The following EMCN variants were observed in gnomAD, a reference collection of about 807,000 sequenced individuals.
The protein encoded by EMCN is endomucin.
EMCN carries 37 observed loss-of-function variants against 38.4 expected under a neutral mutation model. The ratio of observed to expected loss-of-function variants is 0.96; its 90% CI spans 0.74 to 1.27. The LOEUF is 1.27. Among genes scored for constraint, EMCN ranks in the 50% most tolerant of loss-of-function variants. The pLI is 0.00. For synonymous variants in EMCN, 95 were observed against 100.8 expected, an observed-to-expected ratio of 0.94 and a Z score of 0.35; for missense variants, 318 against 302.8, an observed-to-expected ratio of 1.05 and a Z score of -0.37.
chr4:100,456,281 T>G (rs1014705161), intron 4 of EMCN, among the ~76,000 whole-genome samples: 9 of 152,176 alleles, frequency 5.9e-5, no homozygotes, highest in Admixed American at 3.9e-4. Flanking sequence ...AAAATATTAG[T>G]TTTTGTTGAT....
chr4:100,427,697 A>C (rs1055591888), intron 5 of EMCN, among the ~76,000 whole-genome samples: 5 of 152,112 alleles, frequency 3.3e-5, no homozygotes, highest in Admixed American at 2.6e-4. Flanking sequence ...TTCAAGGTTT[A>C]AATGCACCAA....
chr4:100,452,755 T>C (rs1326839906), intron 4 of EMCN, among the ~76,000 whole-genome samples: 1 of 152,082 alleles, frequency 6.6e-6, no homozygotes, highest in East Asian at 1.9e-4. Flanking sequence ...ACAGGTAGCA[T>C]CACACTACCT....
chr4:100,498,491 C>CTT (rs768052759), intron 1 of EMCN, among the ~76,000 whole-genome samples: 1 of 145,244 alleles, frequency 6.9e-6, no homozygotes. Context: ...CAGTGTATCA[C>CTT]TTTTTTTTTT....
intron 5 of EMCN, among the ~76,000 whole-genome samples, chr4:100,444,183 C>T (rs1054147309): frequency 6.6e-6 from 1 of 152,180 alleles, no homozygotes; most frequent in African/African-American, 2.4e-5. Context: ...TGTGGCTGTT[C>T]AGCCTGGAGG....
At chr4:100,472,967 T>C (rs983581283) in intron 3 of EMCN, among the ~76,000 whole-genome samples, 4 of 148,162 alleles carry the variant, frequency 2.7e-5, no homozygotes, top group Admixed American at 6.8e-5. Context: ...CTTCTATATA[T>C]ATATTCTAGA....
At chr4:100,498,952 T>C (rs1309323394) in intron 1 of EMCN, among the ~76,000 whole-genome samples, 1 of 152,218 alleles carries the variant, frequency 6.6e-6, no homozygotes, top group African/African-American at 2.4e-5. Context: ...TGCAGGTATG[T>C]TCTTAGAGCT....
At chr4:100,517,446 A>G (rs1250848235) in intron 1 of EMCN, among the ~76,000 whole-genome samples, 7 of 152,124 alleles carry the variant, frequency 4.6e-5, no homozygotes, top group Admixed American at 4.6e-4. Flanking sequence ...TAACATCTGC[A>G]ATATAATGTC....
At chr4:100,437,778 C>T (rs1179489541) in intron 5 of EMCN, among the ~76,000 whole-genome samples, 1 of 152,018 alleles carries the variant, frequency 6.6e-6, no homozygotes, top group African/African-American at 2.4e-5. Context: ...TGTTTTTATG[C>T]CAGCACCATA....
chr4:100,513,523 T>C (rs1030560049), intron 1 of EMCN, among the ~76,000 whole-genome samples: 4 of 152,160 alleles, frequency 2.6e-5, no homozygotes, highest in Non-Finnish European at 5.9e-5. Context: ...CTTTTAACTA[T>C]AGGAATGTAT....
intron 3 of EMCN, among the ~76,000 whole-genome samples, chr4:100,473,487 T>C (rs1215936942): frequency 1.3e-5 from 2 of 150,422 alleles, no homozygotes; most frequent in Non-Finnish European, 3.0e-5. Flanking sequence ...CTTATTTGAG[T>C]TCAAAATGGG....
At chr4:100,402,270 A>G (rs1032560319) in intron 11 of EMCN, among the ~76,000 whole-genome samples, 3 of 152,180 alleles carry the variant, frequency 2.0e-5, no homozygotes, top group Non-Finnish European at 4.4e-5. Flanking sequence ...TGATCAATAT[A>G]TGAAGCAACA....
intron 11 of EMCN, among the ~76,000 whole-genome samples, chr4:100,403,542 T>A (rs1346269908): frequency 6.6e-6 from 1 of 152,008 alleles, no homozygotes. Context: ...AACATACATG[T>A]CATGTGATTT....
intron 4 of EMCN, among the ~76,000 whole-genome samples, chr4:100,457,064 C>T (rs190112400): frequency 1.1e-3 from 170 of 151,770 alleles, no homozygotes; most frequent in African/African-American, 3.9e-3. Context: ...CTATTTATTT[C>T]GATTTAGTTT....
chr4:100,484,948 T>A (rs1483883074), intron 1 of EMCN, among the ~76,000 whole-genome samples: 1 of 152,142 alleles, frequency 6.6e-6, no homozygotes, highest in African/African-American at 2.4e-5. Flanking sequence ...ACTACTTGGG[T>A]ATATGGAATG....
chr4:100,415,863 T>G (rs773728903), intron 10 of EMCN, 35 bp downstream of exon 10: 11 of 1,435,308 alleles, frequency 7.7e-6, no homozygotes, highest in Admixed American at 2.1e-5. Context: ...CTAAAATAAC[T>G]AATTTTCATC....
chr4:100,496,086 C>G (rs1184118468), intron 1 of EMCN, among the ~76,000 whole-genome samples: 1 of 152,020 alleles, frequency 6.6e-6, no homozygotes, highest in African/African-American at 2.4e-5. Context: ...TCTTTTGTGA[C>G]CTCAGTAGTG....
At chr4:100,440,433 C>A (rs752014837) in intron 5 of EMCN, among the ~76,000 whole-genome samples, 2 of 152,066 alleles carry the variant, frequency 1.3e-5, no homozygotes, top group African/African-American at 2.4e-5. Context: ...TTATATCATT[C>A]TGTATGCCTT....
chr4:100,424,333 G>T (rs986880277), intron 5 of EMCN, among the ~76,000 whole-genome samples: 10 of 152,038 alleles, frequency 6.6e-5, no homozygotes, highest in African/African-American at 2.4e-4. Flanking sequence ...TGAATTGCAA[G>T]TTCCTAGAGT....
chr4:100,415,846 TTAGA>T, intron 10 of EMCN, 48 bp downstream of exon 10: 1 of 1,267,852 alleles, frequency 7.9e-7, no homozygotes, highest in Non-Finnish European at 1.1e-6. Flanking sequence ...AAGGTTATAG[TTAGA>T]TTCTAAAATA....
Sources: allele counts gnomAD v4.1 joint callset (sites outside exome capture counted in the v4.1 genomes callset), GRCh38; gene constraint gnomAD v4.1.1; transcripts MANE v1.5; gene names NCBI Gene and HGNC (gene_info 2026-07-23, HGNC 2026-07-21).